Variants in ELP1 observed in about 807,000 individuals in gnomAD.
ELP1 encodes elongator complex protein 1.
Under a neutral mutation model 183.2 loss-of-function variants are expected in ELP1, and 131 were observed. That is an observed-to-expected ratio of 0.72 (90% CI 0.62 to 0.83). The LOEUF (loss-of-function observed/expected upper bound fraction) is 0.83, where lower values mean the gene tolerates loss of function less well. Among genes scored for constraint, ELP1 ranks in the 40% least tolerant of loss-of-function variants. ELP1 has a pLI of 0.00. For synonymous variants in ELP1, 555 were observed against 569.0 expected, an observed-to-expected ratio of 0.98 and a Z score of 0.35; for missense variants, 1,550 against 1,594.9, an observed-to-expected ratio of 0.97 and a Z score of 0.48.
At chr9:108,883,225 G>A (rs1350160578) in intron 29 of ELP1, among the ~76,000 whole-genome samples, 9 of 152,200 alleles carry the variant, frequency 5.9e-5, no homozygotes, top group Admixed American at 1.3e-4. Flanking sequence ...GTGCAGTGGC[G>A]TGAACTCAGC....
chr9:108,926,546 A>G lies in ELP1; in HGVS notation c.443T>C (p.Ile148Thr). 6.2e-7 allele frequency: 1 copy of G among 1,613,190 alleles called. No individual in the cohort carries two copies. The highest frequency in any genetic ancestry group is 8.5e-7 in the Non-Finnish European group (1 of 1,179,792). ...ACTTTCACCAAAATCATCCTGATGG[A>G]TCTGCTGCTCCAGGATTGGCTCAAA... Reference protein sequence around the residue: ...KDFEPILEQQIHQDDFGESKF... With the variant: ...KDFEPILEQQTHQDDFGESKF... The change falls in exon 5 of 37, where the codon ATC becomes ACC. Residue 148 changes from isoleucine to threonine, a missense_variant. Coordinates refer to ENST00000374647, the MANE Select transcript of ELP1 (RefSeq NM_003640.5).
At chr9:108,933,575 A>G (rs1830071281) in intron 1 of ELP1, among the ~76,000 whole-genome samples, 1 of 152,268 alleles carries the variant, frequency 6.6e-6, no homozygotes. Context: ...TCGTGAATTA[A>G]TACTCTCGCT....
intron 36 of ELP1, among the ~76,000 whole-genome samples, chr9:108,872,992 T>C (rs370667093): frequency 1.3e-5 from 2 of 152,118 alleles, no homozygotes; most frequent in South Asian, 2.1e-4. Context: ...CAGCAGGACA[T>C]GACATATTTC....
At chr9:108,901,400 T>G in intron 18 of ELP1, 25 bp downstream of exon 18, 2 of 1,496,980 alleles carry the variant, frequency 1.3e-6, no homozygotes, top group Non-Finnish European at 9.3e-7. Context: ...AGGGACCATT[T>G]CTGTTTTATA....
intron 20 of ELP1, among the ~76,000 whole-genome samples, 177 bp downstream of exon 20, chr9:108,899,645 T>C (rs1828691955): frequency 6.8e-6 from 1 of 147,528 alleles, no homozygotes; most frequent in South Asian, 2.2e-4. Context: ...CACTACAAAA[T>C]ACTGCATTAA....
At chr9:108,926,857 T>C (rs985525426) in intron 4 of ELP1, among the ~76,000 whole-genome samples, 3 of 152,160 alleles carry the variant, frequency 2.0e-5, no homozygotes, top group Non-Finnish European at 1.5e-5. Context: ...AAAGCCCTCC[T>C]CCACTAACTT....
intron 29 of ELP1, among the ~76,000 whole-genome samples, chr9:108,885,100 AAAGAAAAAAAT>A (rs1056210786): frequency 2.0e-5 from 3 of 152,038 alleles, no homozygotes; most frequent in Non-Finnish European, 2.9e-5. Context: ...AACAACAACA[AAAGAAAAAAAT>A]AAGAAAAAAA....
At chr9:108,898,854 G>C (rs571312685) in intron 20 of ELP1, 105 bp from the exon 21 acceptor site, 70 of 767,012 alleles carry the variant, frequency 9.1e-5, no homozygotes, top group Non-Finnish European at 1.3e-4. Context: ...TCAGATTACA[G>C]CCCCAATGCC....
chr9:108,915,907 G>A (rs1482195537), intron 10 of ELP1, among the ~76,000 whole-genome samples: 2 of 151,944 alleles, frequency 1.3e-5, no homozygotes, highest in East Asian at 1.9e-4. Flanking sequence ...AGGGTTGACT[G>A]CAGGACTTGA....
chr9:108,874,306 A>G (rs949577340), intron 36 of ELP1, among the ~76,000 whole-genome samples: 1 of 152,240 alleles, frequency 6.6e-6, no homozygotes, highest in Non-Finnish European at 1.5e-5. Flanking sequence ...CCAACTTTCA[A>G]AAGAAAGCGC....
intron 14 of ELP1, 22 bp from the exon 15 acceptor site, chr9:108,903,691 G>C (rs748729816): frequency 6.4e-7 from 1 of 1,553,288 alleles, no homozygotes; most frequent in Non-Finnish European, 8.9e-7. Flanking sequence ...AAGGAGAAGG[G>C]AGTGTAAACA....
intron 10 of ELP1, 79 bp from the exon 11 acceptor site, chr9:108,912,573 A>C (rs1822397552): frequency 4.0e-6 from 4 of 1,001,480 alleles, no homozygotes; most frequent in Non-Finnish European, 4.8e-6. Flanking sequence ...GTTCAAGGGC[A>C]ATCTTTTCTT....
Position 108,882,126 on chromosome 9 carries a change from A to G in ELP1, c.3284T>C (p.Leu1095Pro), listed in dbSNP as rs374434020. ...EGAAWEEALRLVYKYNRLDII... is the reference protein window; with the variant it reads ...EGAAWEEALRPVYKYNRLDII... The stretch of plus-strand genomic sequence containing the variant: ...CCAGAGGATTTACAAGATTCTTACC[A>G]GCCTCAAAGCTTCTTCCCAGGCAGC... The change falls in exon 30 of 37, where the codon CTG (leucine) becomes CCG (proline). Residue 1095 changes from leucine (L) to proline (P), a missense_variant and splice_region_variant. Coordinates refer to ENST00000374647, the MANE Select transcript of ELP1 (RefSeq NM_003640.5). The G allele has an allele frequency of 5.0e-6, 8 of 1,613,340 alleles. No individual in the cohort carries two copies. The highest frequency in any genetic ancestry group is 5.9e-6 in the Non-Finnish European group (7 of 1,179,570).
rs550503167 is a variant in ELP1 at position 108,895,538 on chromosome 9, A to AG, written c.2736+957dup. Among the ~76,000 whole-genome samples, 631 of 152,290 alleles carry AG rather than the reference A, an allele frequency of 4.1e-3. 8 individuals carry two copies. Among genetic ancestry groups the AG allele is most frequent in the African/African-American group, 0.014 (602 of 41,564 alleles). Reference sequence around the variant, plus strand: ...AGCATTGTCTTTCCTCCATGGGCAGAGGAAAAAAAGACAATACCAAGAAGT... The same window carrying AG: ...AGCATTGTCTTTCCTCCATGGGCAGAGGGAAAAAAAGACAATACCAAGAAGT... On this transcript the variant is annotated intron_variant, in intron 25 of 36. Coordinates refer to ENST00000374647, the MANE Select transcript of ELP1 (RefSeq NM_003640.5).
intron 2 of ELP1, 103 bp from the exon 3 acceptor site, chr9:108,930,024 GCTTTC>G: frequency 2.3e-6 from 3 of 1,327,310 alleles, no homozygotes; most frequent in Non-Finnish European, 3.2e-6. Flanking sequence ...TTACATAAAA[GCTTTC>G]AAAAATATTT....
chr9:108,919,139 C>T lies in ELP1; in HGVS notation c.649+114G>A, dbSNP rs1829552568. On this transcript the variant is annotated intron_variant, in intron 7 of 36. Coordinates refer to ENST00000374647, the MANE Select transcript of ELP1 (RefSeq NM_003640.5). Reference sequence around the variant, plus strand: ...CATTTCACATTTAAAGCAGCACATCCTTGCCTCATATGTATAATTAATACC... The same window carrying T: ...CATTTCACATTTAAAGCAGCACATCTTTGCCTCATATGTATAATTAATACC... 4 of 791,862 alleles carry T rather than the reference C, an allele frequency of 5.1e-6. No individual in the cohort carries two copies. In the South Asian group the frequency reaches 6.0e-5, roughly 12 times the overall value. 49.1% of individuals were successfully genotyped at this position (791,862 alleles called of 1,614,324 possible).
chr9:108,888,143 G>A (rs187036522), intron 29 of ELP1, among the ~76,000 whole-genome samples: 25 of 152,288 alleles, frequency 1.6e-4, no homozygotes, highest in African/African-American at 5.8e-4. Flanking sequence ...TGAGTGAAAG[G>A]AGCCAGATTA....
chr9:108,918,759 C>T, intron 8 of ELP1, 52 bp downstream of exon 8: 2 of 1,246,014 alleles, frequency 1.6e-6, no homozygotes, highest in East Asian at 2.3e-5. Context: ...ATGTGTACCA[C>T]CACCTCTACT....
intron 28 of ELP1, among the ~76,000 whole-genome samples, chr9:108,890,719 T>G (rs779138985): frequency 4.6e-5 from 7 of 152,230 alleles, no homozygotes; most frequent in Non-Finnish European, 1.0e-4. Flanking sequence ...ACCTACTGTC[T>G]ATAACAGAAT....
Sources: gnomAD v4.1 joint callset for allele counts (sites outside exome capture counted in the v4.1 genomes callset) on GRCh38, gnomAD v4.1.1 for gene constraint, MANE v1.5 for transcripts, NCBI Gene and HGNC (gene_info 2026-07-23, HGNC 2026-07-21) for gene names.